Variants in PDZD2 observed in about 807,000 individuals in gnomAD.
PDZD2 encodes PDZ domain-containing protein 2.
A neutral mutation model predicts 220.7 loss-of-function variants in PDZD2; 90 were observed. The observed-to-expected ratio is 0.41, with a 90% CI of 0.34 to 0.49. PDZD2 has a LOEUF of 0.49. PDZD2 is among the 20% of genes least tolerant of loss of function. The pLI is 0.28. For synonymous variants in PDZD2, 1,375 were observed against 1,450.5 expected (o/e 0.95, Z 1.18); for missense variants, 3,174 against 3,608.5 (o/e 0.88, Z 3.08).
chr5:32,025,275 C>T (rs1329643404), intron 6 of PDZD2, among the ~76,000 whole-genome samples: 2 of 152,160 alleles, frequency 1.3e-5, no homozygotes, highest in Non-Finnish European at 2.9e-5. Flanking sequence ...TCTGTAATCC[C>T]AGCACTTTGG....
At position 31,886,575 on chromosome 5, in the gene PDZD2, T is replaced by C. The variant is rs146969744; in HGVS notation, c.476+86851T>C. 3.3e-3 allele frequency among the ~76,000 whole-genome samples: 503 copies of C among 152,006 alleles called. 3 individuals are homozygous for C. Among genetic ancestry groups the C allele is most frequent in the African/African-American group, 0.012 (485 of 41,430 alleles). On this transcript the variant is annotated intron_variant, in intron 2 of 24. Transcript: ENST00000438447. ...TGGAAACTGCTTTTGTGAAGGATGC[T>C]GAGATGTGTGGGCCCTCAGCCACGG... is the stretch of plus-strand genomic sequence containing the variant.
At chr5:31,935,194 T>G (rs937130279) in intron 2 of PDZD2, among the ~76,000 whole-genome samples, 1 of 152,200 alleles carries the variant, frequency 6.6e-6, no homozygotes. Context: ...CTTGTGAGTA[T>G]TGGAATAATA....
At chr5:32,032,578 G>T (rs1279985475) in intron 6 of PDZD2, among the ~76,000 whole-genome samples, 2 of 152,166 alleles carry the variant, frequency 1.3e-5, no homozygotes, top group Admixed American at 6.5e-5. Flanking sequence ...CCACGTGGTT[G>T]TCAGCTTGCT....
intron 6 of PDZD2, among the ~76,000 whole-genome samples, chr5:32,021,509 G>A (rs994180481): frequency 2.0e-5 from 3 of 152,028 alleles, no homozygotes; most frequent in African/African-American, 7.3e-5. Flanking sequence ...TGTTGGCCAG[G>A]CTGGTCTTTA....
At chr5:31,875,637 A>G (rs1739238430) in intron 2 of PDZD2, among the ~76,000 whole-genome samples, 1 of 148,028 alleles carries the variant, frequency 6.8e-6, no homozygotes, top group Non-Finnish European at 1.5e-5. Context: ...TTAAATATAT[A>G]CAAATTTAAT....
At chr5:31,683,328 C>A (rs1746727149) in intron 1 of PDZD2, among the ~76,000 whole-genome samples, 1 of 151,368 alleles carries the variant, frequency 6.6e-6, no homozygotes, top group South Asian at 2.1e-4. Flanking sequence ...GGATCATATT[C>A]TTTGAAGTTT....
intron 1 of PDZD2, among the ~76,000 whole-genome samples, chr5:31,694,440 C>T (rs1747285046): frequency 6.6e-6 from 1 of 152,148 alleles, no homozygotes; most frequent in South Asian, 2.1e-4. Flanking sequence ...ATGTTAAAAG[C>T]TGGAAACAAC....
chr5:31,977,026 T>G (rs542616577), intron 2 of PDZD2, among the ~76,000 whole-genome samples: 183 of 151,754 alleles, frequency 1.2e-3, no homozygotes, highest in African/African-American at 4.3e-3. Flanking sequence ...AGTTTTGTTT[T>G]TTTTTTTTTA....
intron 2 of PDZD2, among the ~76,000 whole-genome samples, chr5:31,969,905 A>AT (rs1749143556): frequency 7.2e-6 from 1 of 138,344 alleles, no homozygotes; most frequent in African/African-American, 2.8e-5. Context: ...TTATTTATTT[A>AT]TTTATTTTTT....
intron 7 of PDZD2, among the ~76,000 whole-genome samples, chr5:32,048,259 A>G (rs1057186556): frequency 1.3e-5 from 2 of 152,232 alleles, no homozygotes; most frequent in Non-Finnish European, 2.9e-5. Context: ...CCAGAGCTAC[A>G]TCTTATTGGG....
Position 32,098,300 on chromosome 5 carries a change from C to A in PDZD2, c.7948-64C>A. Reference sequence around the variant, plus strand: ...CTACAGATACGCAGTTAGTTACTATCTCCCTTTTACCGGAAATCGTAAGTG... The same window carrying A: ...CTACAGATACGCAGTTAGTTACTATATCCCTTTTACCGGAAATCGTAAGTG... On this transcript the variant is annotated intron_variant, in intron 22 of 24. Transcript: ENST00000438447. The surrounding 1 kb of genome is among the most constrained non-coding windows in gnomAD (Gnocchi z 4.1). 1.3e-6 allele frequency: 2 copies of A among 1,500,702 alleles called. No individual in the cohort carries two copies. 93.0% of individuals were successfully genotyped at this position (1,500,702 alleles called of 1,614,324 possible). A position where few individuals can be genotyped will look rare whatever the true frequency, so the allele number is the denominator to read the frequency against.
intron 1 of PDZD2, among the ~76,000 whole-genome samples, chr5:31,753,709 T>C (rs1282383407): frequency 1.3e-5 from 2 of 152,208 alleles, no homozygotes; most frequent in Non-Finnish European, 2.9e-5. Context: ...GCAAATTAAG[T>C]CTTTTTGCGT....
chr5:31,817,965 A>ATTTTT lies in PDZD2; in HGVS notation c.476+18260_476+18264dup, dbSNP rs368621112. Among the ~76,000 whole-genome samples, 20 of 112,222 alleles carry ATTTTT rather than the reference A, an allele frequency of 1.8e-4. 3 individuals carry two copies. Among genetic ancestry groups the ATTTTT allele is most frequent in the South Asian group, 8.8e-4 (3 of 3,416 alleles). The allele number at this position is 112,222 out of a possible 152,430, so 73.6% of individuals were successfully genotyped here. Reference sequence around the variant, plus strand: ...TGGCATGAGCCACTGCACCTGGCCAATTTTTTTTTTTTTTTTTTTTTTTAG... The same window carrying ATTTTT: ...TGGCATGAGCCACTGCACCTGGCCAATTTTTTTTTTTTTTTTTTTTTTTTTTTTAG... On this transcript the variant is annotated intron_variant, in intron 2 of 24. Coordinates refer to ENST00000438447, the MANE Select transcript of PDZD2 (RefSeq NM_178140.4).
At chr5:32,097,568 AAC>A (rs1743841852) in intron 22 of PDZD2, among the ~76,000 whole-genome samples, 188 bp downstream of exon 22, 1 of 152,248 alleles carries the variant, frequency 6.6e-6, no homozygotes, top group African/African-American at 2.4e-5. Flanking sequence ...AAGCATTTTT[AAC>A]ACAGAGCTGA....
intron 4 of PDZD2, among the ~76,000 whole-genome samples, chr5:31,996,086 G>T (rs929385087): frequency 6.6e-6 from 1 of 152,120 alleles, no homozygotes; most frequent in Non-Finnish European, 1.5e-5. Flanking sequence ...CTTAACTCCC[G>T]TAAGACTTGA....
intron 3 of PDZD2, among the ~76,000 whole-genome samples, chr5:31,987,839 G>A (rs189916211): frequency 7.2e-5 from 11 of 152,112 alleles, no homozygotes; most frequent in South Asian, 4.1e-4. Flanking sequence ...GAAACCCTCC[G>A]TCCTAGGGAG....
chr5:31,752,176 T>C (rs116795905), intron 1 of PDZD2, among the ~76,000 whole-genome samples: 3,575 of 146,480 alleles, frequency 0.024, 138 homozygotes, highest in African/African-American at 0.085. Flanking sequence ...CCTCCTGGAC[T>C]CAAGTGATCC....
chr5:31,878,555 CTTTTTTTT>C (rs397884384), intron 2 of PDZD2, among the ~76,000 whole-genome samples: 5 of 48,200 alleles, frequency 1.0e-4, no homozygotes, highest in Admixed American at 4.2e-4. Flanking sequence ...ATGACCTCGG[CTTTTTTTT>C]TTTTTTTTTT....
intron 2 of PDZD2, among the ~76,000 whole-genome samples, chr5:31,957,233 G>A (rs1471240873): frequency 6.6e-6 from 1 of 152,186 alleles, no homozygotes; most frequent in Non-Finnish European, 1.5e-5. Context: ...AATCTCTGCA[G>A]TGTGTTTAGT....
Sources: allele counts gnomAD v4.1 joint callset (sites outside exome capture counted in the v4.1 genomes callset), GRCh38; gene constraint gnomAD v4.1.1; non-coding constraint Gnocchi (gnomAD v3.1); transcripts MANE v1.5; gene names NCBI Gene and HGNC (gene_info 2026-07-23, HGNC 2026-07-21).